Variants in VEGFD observed in about 807,000 individuals in gnomAD.
The protein encoded by VEGFD is vascular endothelial growth factor D, also known as c-fos induced growth factor (vascular endothelial growth factor D).
Under a neutral mutation model 28.0 loss-of-function variants are expected in VEGFD, and 26 were observed. The observed-to-expected ratio is 0.93, with a 90% CI of 0.68 to 1.29. The LOEUF is 1.29. Ranked by LOEUF, VEGFD falls within the 50% of genes most tolerant of loss-of-function variation. The probability of loss-of-function intolerance (pLI) is 0.00; values close to 1 mark genes in which losing one functional copy is unlikely to be tolerated. For missense variants in VEGFD, 294 were observed against 273.4 expected, an observed-to-expected ratio of 1.08 and a Z score of -0.53; for synonymous variants, 93 against 95.5, an observed-to-expected ratio of 0.97 and a Z score of 0.15.
At chrX:15,361,916 T>G (rs761290625) in intron 2 of VEGFD, among the ~76,000 whole-genome samples, 1 of 111,967 alleles carries the variant, frequency 8.9e-6, no homozygotes, top group African/African-American at 3.3e-5. Context: ...TTGCCCAGGT[T>G]GGAGTGCAAT....
At chrX:15,371,242 C>T (rs1033259193) in intron 1 of VEGFD, among the ~76,000 whole-genome samples, 1 of 112,003 alleles carries the variant, frequency 8.9e-6, no homozygotes, top group Non-Finnish European at 1.9e-5. Context: ...AATAAAAACA[C>T]TATCACAGCC....
intron 5 of VEGFD, among the ~76,000 whole-genome samples, chrX:15,349,652 G>T (rs924092206): frequency 8.9e-6 from 1 of 111,879 alleles, no homozygotes; most frequent in Non-Finnish European, 1.9e-5. Context: ...GTGTGTGTGT[G>T]TTTGTGTATA....
chrX:15,357,385 AG>A (rs751882526), intron 3 of VEGFD, among the ~76,000 whole-genome samples: 1 of 110,952 alleles, frequency 9.0e-6, no homozygotes, highest in Non-Finnish European at 1.9e-5. Context: ...TGCCTCTCCC[AG>A]CCCCTGCCCC....
At chrX:15,378,945 C>A (rs1433266155) in intron 1 of VEGFD, among the ~76,000 whole-genome samples, 1 of 111,098 alleles carries the variant, frequency 9.0e-6, no homozygotes, top group Admixed American at 9.6e-5. Context: ...CTCCACTCAC[C>A]CCACCTCCAG....
chrX:15,379,903 A>G (rs1159022228), intron 1 of VEGFD, among the ~76,000 whole-genome samples: 1 of 112,232 alleles, frequency 8.9e-6, no homozygotes, highest in Non-Finnish European at 1.9e-5. Context: ...ATGTTAAGAA[A>G]TAAGTCATAC....
intron 5 of VEGFD, among the ~76,000 whole-genome samples, chrX:15,349,718 T>C (rs990073997): frequency 8.9e-6 from 1 of 111,823 alleles, no homozygotes; most frequent in African/African-American, 3.3e-5. Flanking sequence ...CTCAATTAAA[T>C]TAGACTTGGA....
intron 1 of VEGFD, among the ~76,000 whole-genome samples, chrX:15,370,282 T>C (rs1158234615): frequency 8.9e-6 from 1 of 112,241 alleles, no homozygotes; most frequent in African/African-American, 3.2e-5. Flanking sequence ...GCTGAATAAA[T>C]ATTTATTAAA....
intron 1 of VEGFD, 37 bp from the exon 2 acceptor site, chrX:15,363,356 A>G: frequency 9.2e-7 from 1 of 1,086,892 alleles, no homozygotes; most frequent in Non-Finnish European, 1.3e-6. Flanking sequence ...AAAACAAGTT[A>G]CTAAATTTTA....
At position 15,359,615 on chromosome X, in the gene VEGFD, A is replaced by T. The variant is rs997063166; in HGVS notation, c.302-1422T>A. Among the ~76,000 whole-genome samples the T allele has an allele frequency of 5.5e-5, 6 of 108,111 alleles. No individual in the cohort carries two copies. The South Asian group carries it at 1.6e-3, about 29-fold the overall frequency. 93.9% of individuals were successfully genotyped at this position (108,111 alleles called of 115,157 possible). ...TGTGTATATGTGTTCTCATTGTTCA[A>T]CTCCCACTTATGAGTGAGAACATGC... is the stretch of plus-strand genomic sequence containing the variant. On this transcript the variant is annotated intron_variant, in intron 2 of 6. Coordinates refer to ENST00000297904, the MANE Select transcript of VEGFD (RefSeq NM_004469.5).
chrX:15,382,373 A>G (rs1923602794), intron 1 of VEGFD, among the ~76,000 whole-genome samples: 1 of 104,507 alleles, frequency 9.6e-6, no homozygotes, highest in African/African-American at 3.6e-5. Flanking sequence ...GACACCTGAG[A>G]CATTCTTGGT....
At chrX:15,380,068 C>T (rs763793303) in intron 1 of VEGFD, among the ~76,000 whole-genome samples, 83 of 112,308 alleles carry the variant, frequency 7.4e-4, no homozygotes, top group African/African-American at 2.5e-3. Flanking sequence ...ATTCAACACA[C>T]TTAACTACAA....
At chrX:15,359,362 CTTT>C (rs1171408211) in intron 2 of VEGFD, among the ~76,000 whole-genome samples, 119 of 62,869 alleles carry the variant, frequency 1.9e-3, no homozygotes, top group African/African-American at 7.5e-3. Flanking sequence ...CACTTGCAGG[CTTT>C]TTTTTTTTTT....
Position 15,384,279 on chromosome X carries a change from A to C in VEGFD, c.-333T>G. ...AAAATTAAAAAAATCTCTCCAATGT[A>C]TGCCGCAGGTTCTAGTTGCTTTGTA... On this transcript the variant is annotated 5_prime_UTR_variant, in exon 1 of 7. Coordinates refer to ENST00000297904, the MANE Select transcript of VEGFD (RefSeq NM_004469.5). 6.0e-6 allele frequency: 1 copy of C among 167,786 alleles called. No individual in the cohort carries two copies. Among genetic ancestry groups the C allele is most frequent in the East Asian group, 1.7e-4 (1 of 5,745 alleles). 13.8% of individuals were successfully genotyped at this position (167,786 alleles called of 1,213,427 possible). A position where few individuals can be genotyped will look rare whatever the true frequency, so the allele number is the denominator to read the frequency against.
At chrX:15,350,705 AACTT>A (rs1204677400) in intron 5 of VEGFD, among the ~76,000 whole-genome samples, 2 of 97,956 alleles carry the variant, frequency 2.0e-5, no homozygotes, top group East Asian at 3.2e-4. Flanking sequence ...TTCCCACAGT[AACTT>A]ACTTTCTTTC....
intron 1 of VEGFD, among the ~76,000 whole-genome samples, chrX:15,374,535 G>A (rs138073962): frequency 0.018 from 2,003 of 111,951 alleles, 39 homozygotes; most frequent in African/African-American, 0.062. Context: ...CGACAGTGAA[G>A]GAGAACAGAT....
chrX:15,346,345 C>A (rs1922548415), intron 6 of VEGFD, 86 bp from the exon 7 acceptor site: 1 of 1,010,983 alleles, frequency 9.9e-7, no homozygotes, highest in South Asian at 2.3e-5. Context: ...ATTAAGTTTT[C>A]CAGACATGTA....
intron 1 of VEGFD, among the ~76,000 whole-genome samples, chrX:15,375,740 AGT>A (rs772563278): frequency 1.8e-5 from 2 of 111,582 alleles, no homozygotes; most frequent in East Asian, 2.8e-4. Flanking sequence ...CATTTGTGTG[AGT>A]GTGTGTGCAT....
At chrX:15,382,190 C>G (rs866667195) in intron 1 of VEGFD, among the ~76,000 whole-genome samples, 1 of 110,482 alleles carries the variant, frequency 9.1e-6, no homozygotes, top group Non-Finnish European at 1.9e-5. Flanking sequence ...CATGGTGGCA[C>G]GTGCCTATAA....
At chrX:15,377,354 GT>G (rs1302485153) in intron 1 of VEGFD, among the ~76,000 whole-genome samples, 1 of 111,704 alleles carries the variant, frequency 9.0e-6, no homozygotes, top group Admixed American at 9.6e-5. Flanking sequence ...CACTAAAGTT[GT>G]TCTGAATGTG....
Sources: allele counts gnomAD v4.1 joint callset (sites outside exome capture counted in the v4.1 genomes callset), GRCh38; gene constraint gnomAD v4.1.1; transcripts MANE v1.5; gene names NCBI Gene and HGNC (gene_info 2026-07-23, HGNC 2026-07-21).